CAST: variants seen among roughly 807,000 people sequenced by gnomAD.
The protein encoded by CAST is calpastatin.
Under a neutral mutation model 119.6 loss-of-function variants are expected in CAST, and 76 were observed. That is an observed-to-expected ratio of 0.64 (90% CI 0.53 to 0.77). The LOEUF is 0.77. CAST is among the 30% of genes least tolerant of loss of function. The probability of loss-of-function intolerance (pLI) is 0.00; values close to 1 mark genes in which losing one functional copy is unlikely to be tolerated. For missense variants in CAST, 953 were observed against 946.5 expected, an observed-to-expected ratio of 1.01 and a Z score of -0.09; for synonymous variants, 319 against 331.6, an observed-to-expected ratio of 0.96 and a Z score of 0.41.
chr5:96,171,411 G>A, the CAST span, among the ~76,000 whole-genome samples: 1 of 152,146 alleles, frequency 6.6e-6, no homozygotes, highest in African/African-American at 2.4e-5. Flanking sequence ...CAAGCCCAGA[G>A]AAAAGAGAGG....
the CAST span, among the ~76,000 whole-genome samples, chr5:96,167,550 G>A: frequency 3.3e-5 from 5 of 152,202 alleles, no homozygotes; most frequent in Non-Finnish European, 5.9e-5. Context: ...TCCTCTTTAA[G>A]TTGGTGGCTG....
At chr5:96,013,101 C>T in the CAST span, among the ~76,000 whole-genome samples, 1 of 151,942 alleles carries the variant, frequency 6.6e-6, no homozygotes, top group African/African-American at 2.4e-5. Context: ...ACAACTGACA[C>T]ATCAGGTACC....
intron 1 of CAST, among the ~76,000 whole-genome samples, chr5:96,576,581 G>T (rs1746675160): frequency 6.6e-6 from 1 of 152,132 alleles, no homozygotes; most frequent in African/African-American, 2.4e-5. Flanking sequence ...CTGGCCTCAA[G>T]TGATCCACTG....
chr5:96,504,077 C>T, the CAST span, among the ~76,000 whole-genome samples: 1 of 152,238 alleles, frequency 6.6e-6, no homozygotes, highest in Non-Finnish European at 1.5e-5. Flanking sequence ...TGTGTGCTTT[C>T]TCTGAGGGCC....
At chr5:96,303,354 TAC>T in the CAST span, among the ~76,000 whole-genome samples, 2 of 152,322 alleles carry the variant, frequency 1.3e-5, no homozygotes, top group South Asian at 2.1e-4. Context: ...ACAAATCATA[TAC>T]AGTCTTAACA....
chr5:96,560,406 A>G (rs1178807533), intron 1 of CAST, among the ~76,000 whole-genome samples: 1 of 151,586 alleles, frequency 6.6e-6, no homozygotes, highest in East Asian at 1.9e-4. Context: ...AACTACCATC[A>G]GAGTGAACAG....
the CAST span, among the ~76,000 whole-genome samples, chr5:96,309,717 A>G: frequency 6.6e-6 from 1 of 152,016 alleles, no homozygotes. Flanking sequence ...GAATTCCCTG[A>G]CCCCTTGTGC....
the CAST span, among the ~76,000 whole-genome samples, chr5:96,457,076 T>C: frequency 6.6e-6 from 1 of 152,178 alleles, no homozygotes; most frequent in Non-Finnish European, 1.5e-5. Context: ...ATTAGCAGCG[T>C]GAGAACAGAC....
At chr5:96,706,707 TCTC>T in intron 3 of CAST, among the ~76,000 whole-genome samples, 1 of 152,326 alleles carries the variant, frequency 6.6e-6, no homozygotes, top group Non-Finnish European at 1.5e-5. Context: ...ATTTTCTTAA[TCTC>T]TTCTTCCCGT....
At chr5:96,739,912 G>C (rs1219665589) in intron 11 of CAST, 126 bp from the exon 12 acceptor site, 1 of 604,524 alleles carries the variant, frequency 1.7e-6, no homozygotes, top group Non-Finnish European at 2.9e-6. Context: ...GCTTCTTAAT[G>C]ATTTATCGTT....
At chr5:95,961,608 C>T in the CAST span, 8 of 1,606,114 alleles carry the variant, frequency 5.0e-6, no homozygotes, top group Admixed American at 1.7e-5. Flanking sequence ...GCGCCCGGAT[C>T]GCCGTCTCGG....
the CAST span, among the ~76,000 whole-genome samples, chr5:95,971,020 A>G: frequency 6.6e-6 from 1 of 152,216 alleles, no homozygotes; most frequent in Non-Finnish European, 1.5e-5. Flanking sequence ...ATGATCTATT[A>G]TGACTGTGAC....
chr5:95,972,194 C>A, the CAST span, among the ~76,000 whole-genome samples: 1 of 151,538 alleles, frequency 6.6e-6, no homozygotes, highest in Non-Finnish European at 1.5e-5. Context: ...AACAGCCTCC[C>A]AAAGTGTTGG....
At chr5:96,340,242 G>C in the CAST span, among the ~76,000 whole-genome samples, 1 of 152,094 alleles carries the variant, frequency 6.6e-6, no homozygotes, top group Non-Finnish European at 1.5e-5. Flanking sequence ...ATTTTCTGCG[G>C]GAGTCCACCT....
At chr5:96,345,990 C>T in the CAST span, among the ~76,000 whole-genome samples, 1 of 152,142 alleles carries the variant, frequency 6.6e-6, no homozygotes, top group Non-Finnish European at 1.5e-5. Flanking sequence ...ACAGTGTGAA[C>T]ATCAGAAGGC....
intron 1 of CAST, chr5:96,585,072 G>GAT (rs1410560714): frequency 6.6e-6 from 1 of 152,198 alleles, no homozygotes; most frequent in East Asian, 1.9e-4. Flanking sequence ...ACAACTGGCA[G>GAT]ATATATGCAC....
At chr5:96,363,426 A>C in the CAST span, among the ~76,000 whole-genome samples, 1 of 151,982 alleles carries the variant, frequency 6.6e-6, no homozygotes, top group African/African-American at 2.4e-5. Context: ...TACCTTGGGC[A>C]GTATGGCCAT....
At chr5:96,316,379 A>G in the CAST span, among the ~76,000 whole-genome samples, 2 of 151,982 alleles carry the variant, frequency 1.3e-5, no homozygotes, top group Non-Finnish European at 2.9e-5. Flanking sequence ...CTTGTCCTAA[A>G]CTCCCCAGAT....
chr5:96,737,946 C>T lies in CAST; in HGVS notation c.797C>T (p.Ser266Leu). The T allele has an allele frequency of 3.9e-6, 6 of 1,533,272 alleles. No homozygotes were observed. Among genetic ancestry groups the T allele is most frequent in the Non-Finnish European group, 3.6e-6 (4 of 1,107,276 alleles). 95.0% of individuals were successfully genotyped at this position (1,533,272 alleles called of 1,614,324 possible). Residue 266 changes from serine (S) to leucine (L), a missense_variant and splice_region_variant, in exon 11 of 32, where the codon TCA (serine) becomes TTA (leucine). By Grantham distance (145) the Ser-to-Leu change is moderately radical. Transcript: ENST00000675179. ...ENTTYTGPEV[S>L]DPMSSTYIEE... Reference sequence around the variant, plus strand: ...ACAACGTATACTGGACCAGAAGTTTCAGTATGTGATCATGATATCTGTAAA... The same window carrying T: ...ACAACGTATACTGGACCAGAAGTTTTAGTATGTGATCATGATATCTGTAAA...
Sources: allele counts gnomAD v4.1 joint callset (sites outside exome capture counted in the v4.1 genomes callset), GRCh38; gene constraint gnomAD v4.1.1; transcripts MANE v1.5; gene names NCBI Gene and HGNC (gene_info 2026-07-23, HGNC 2026-07-21).